RBM18: variants seen among roughly 807,000 people sequenced by gnomAD.
The protein encoded by RBM18 is RNA binding motif protein 18.
Under a neutral mutation model 26.4 loss-of-function variants are expected in RBM18, and 18 were observed. That is an observed-to-expected ratio of 0.68 (90% confidence interval 0.47 to 1.01). The LOEUF is 1.01. RBM18 is among the 50% of genes least tolerant of loss of function. The pLI, the probability that RBM18 is intolerant of heterozygous loss-of-function variation, is 0.00. For missense variants in RBM18, 180 were observed against 219.2 expected, an observed-to-expected ratio of 0.82 and a Z score of 1.13; for synonymous variants, 74 against 81.1, an observed-to-expected ratio of 0.91 and a Z score of 0.47.
chr9:122,243,605 C>G (rs1176177708), intron 5 of RBM18: 3 of 493,494 alleles, frequency 6.1e-6, no homozygotes, highest in Non-Finnish European at 5.3e-6. Context: ...ATTTTCCATT[C>G]TTGATGCGTT....
intron 3 of RBM18, among the ~76,000 whole-genome samples, chr9:122,247,872 C>T (rs1437621381): frequency 3.3e-5 from 5 of 150,988 alleles, no homozygotes; most frequent in Non-Finnish European, 7.4e-5. Flanking sequence ...GCAATCTCCG[C>T]CTCCCAGGTT....
rs190202905 is a variant in RBM18 at position 122,252,924 on chromosome 9, A to T, written c.114-951T>A. ...TGGCCTTAACAGGTTGCTGCGGCCA[A>T]TCTCAATTCCGACTTCCTGTCATCT... On this transcript the variant is annotated intron_variant, in intron 2 of 5. Coordinates refer to ENST00000417201, the MANE Select transcript of RBM18 (RefSeq NM_033117.4). 2.1e-3 allele frequency among the ~76,000 whole-genome samples: 318 copies of T among 152,284 alleles called. 3 individuals are homozygous for T. Among genetic ancestry groups the T allele is most frequent in the African/African-American group, 7.4e-3 (309 of 41,564 alleles).
At chr9:122,263,102 G>A (rs1831846598) in intron 1 of RBM18, among the ~76,000 whole-genome samples, 1 of 152,140 alleles carries the variant, frequency 6.6e-6, no homozygotes, top group Non-Finnish European at 1.5e-5. Context: ...GTACCTCAGA[G>A]GTCAGCACTA....
chr9:122,257,382 G>A lies in RBM18; in HGVS notation c.113+3998C>T, dbSNP rs145570587. On this transcript the variant is annotated intron_variant, in intron 2 of 5. Coordinates refer to ENST00000417201, the MANE Select transcript of RBM18 (RefSeq NM_033117.4). ...GGGATGGTCTCGATCTCCTGACCTCGTGATCCGCCCGCCTCTGCCTCCCAA... is the reference window on the plus strand; with the variant it reads ...GGGATGGTCTCGATCTCCTGACCTCATGATCCGCCCGCCTCTGCCTCCCAA... 4.9e-4 allele frequency among the ~76,000 whole-genome samples: 74 copies of A among 152,246 alleles called. No individual in the cohort carries two copies. In the East Asian group the frequency reaches 0.013, roughly 27 times the overall value.
At chr9:122,247,262 G>A (rs369205729) in intron 4 of RBM18, among the ~76,000 whole-genome samples, 6 of 152,192 alleles carry the variant, frequency 3.9e-5, no homozygotes, top group African/African-American at 9.6e-5. Context: ...AGGTCTGAGC[G>A]TACACATTAG....
intron 1 of RBM18, among the ~76,000 whole-genome samples, chr9:122,263,060 C>T (rs181233038): frequency 6.6e-6 from 1 of 152,212 alleles, no homozygotes; most frequent in African/African-American, 2.4e-5. Context: ...TTCAGAAGTC[C>T]CTGCTAGAGA....
rs1327033523 is a variant in RBM18 at position 122,237,625 on chromosome 9, G to A, written c.*4259C>T. The A allele has an allele frequency of 2.0e-5, 3 of 152,214 alleles. No homozygotes were observed. Among genetic ancestry groups the A allele is most frequent in the South Asian group, 2.1e-4 (1 of 4,824 alleles). 9.4% of individuals were successfully genotyped at this position (152,214 alleles called of 1,614,324 possible). A position where few individuals can be genotyped will look rare whatever the true frequency, so the allele number is the denominator to read the frequency against. On this transcript the variant is annotated 3_prime_UTR_variant, in exon 6 of 6. Coordinates refer to ENST00000417201, the MANE Select transcript of RBM18 (RefSeq NM_033117.4). ...AGACATTGACTAAGAAACAATATTC[G>A]GTGCACATCATTCTGACATCTGTTG...
intron 4 of RBM18, among the ~76,000 whole-genome samples, chr9:122,246,491 T>C (rs1831507826): frequency 6.6e-6 from 1 of 152,130 alleles, no homozygotes; most frequent in African/African-American, 2.4e-5. Context: ...AGAAAACGAG[T>C]TTGGTAAATG....
chr9:122,252,300 A>G (rs1450379154), intron 2 of RBM18, among the ~76,000 whole-genome samples: 1 of 152,224 alleles, frequency 6.6e-6, no homozygotes, highest in African/African-American at 2.4e-5. Context: ...GTGTTGATTT[A>G]TTTATTTTTA....
At chr9:122,247,211 A>G (rs375050704) in intron 4 of RBM18, among the ~76,000 whole-genome samples, 11 of 152,102 alleles carry the variant, frequency 7.2e-5, no homozygotes, top group African/African-American at 2.7e-4. Flanking sequence ...AAATAAATAT[A>G]TATTTTCCTC....
chr9:122,247,681 T>C, intron 3 of RBM18, 77 bp from the exon 4 acceptor site: 5 of 1,079,814 alleles, frequency 4.6e-6, no homozygotes, highest in Non-Finnish European at 7.1e-6. Context: ...AGGGCTTCAC[T>C]AGCTTTGATG....
chr9:122,250,583 GTACA>G (rs1449083843), intron 3 of RBM18, among the ~76,000 whole-genome samples: 2 of 152,026 alleles, frequency 1.3e-5, no homozygotes, highest in South Asian at 2.1e-4. Flanking sequence ...CTCCACACAC[GTACA>G]TACAAACACC....
chr9:122,246,829 A>C (rs2118954977), intron 4 of RBM18, among the ~76,000 whole-genome samples: 1 of 152,290 alleles, frequency 6.6e-6, no homozygotes, highest in South Asian at 2.1e-4. Flanking sequence ...CCACTGCAGA[A>C]GGAGGCAGAT....
intron 5 of RBM18, 105 bp from the exon 6 acceptor site, chr9:122,242,148 G>C: frequency 1.9e-6 from 2 of 1,061,522 alleles, no homozygotes; most frequent in East Asian, 5.1e-5. Context: ...GACGCAACAA[G>C]ATACTAAATT....
chr9:122,264,357 A>G (rs1831910808), intron 1 of RBM18, among the ~76,000 whole-genome samples: 2 of 152,264 alleles, frequency 1.3e-5, no homozygotes, highest in Non-Finnish European at 2.9e-5. Flanking sequence ...TTGCGTTTGC[A>G]ATAGCAACAA....
rs767740574 is a variant in RBM18 at position 122,240,330 on chromosome 9, G to A, written c.*1554C>T. 1 of 152,126 alleles carries A rather than the reference G, an allele frequency of 6.6e-6. No homozygotes were observed. The highest frequency in any genetic ancestry group is 1.5e-5 in the Non-Finnish European group (1 of 68,018). 9.4% of individuals were successfully genotyped at this position (152,126 alleles called of 1,614,324 possible). A position where few individuals can be genotyped will look rare whatever the true frequency, so the allele number is the denominator to read the frequency against. ...GTTACTTGCATCATAGACAGACACA[G>A]CTAATACATACAGAAAGTATTTGAT... is the stretch of plus-strand genomic sequence containing the variant. On this transcript the variant is annotated 3_prime_UTR_variant, in exon 6 of 6. Coordinates refer to ENST00000417201, the MANE Select transcript of RBM18 (RefSeq NM_033117.4).
chr9:122,257,774 G>A (rs1003155713), intron 2 of RBM18, among the ~76,000 whole-genome samples: 2 of 152,186 alleles, frequency 1.3e-5, no homozygotes, highest in African/African-American at 4.8e-5. Flanking sequence ...ATTCAAATCA[G>A]TTTATAAAAG....
intron 2 of RBM18, among the ~76,000 whole-genome samples, chr9:122,257,984 G>A (rs1189572422): frequency 6.6e-6 from 1 of 152,164 alleles, no homozygotes; most frequent in African/African-American, 2.4e-5. Context: ...TTTTGAGATT[G>A]CACCACAAGA....
intron 2 of RBM18, among the ~76,000 whole-genome samples, chr9:122,253,712 C>A: frequency 6.8e-6 from 1 of 147,570 alleles, no homozygotes; most frequent in African/African-American, 2.5e-5. Flanking sequence ...GGGAGTCAAA[C>A]CTATTCTTAA....
Sources: gnomAD v4.1 joint callset for allele counts (sites outside exome capture counted in the v4.1 genomes callset) on GRCh38, gnomAD v4.1.1 for gene constraint, MANE v1.5 for transcripts, NCBI Gene and HGNC (gene_info 2026-07-23, HGNC 2026-07-21) for gene names.